CPN1: variants seen among roughly 807,000 people sequenced by gnomAD.
CPN1 encodes the protein carboxypeptidase N catalytic chain.
A neutral mutation model predicts 46.4 loss-of-function variants in CPN1; 37 were observed. The ratio of observed to expected loss-of-function variants is 0.80; its 90% confidence interval spans 0.61 to 1.05. The LOEUF is 1.05. Ranked by LOEUF, CPN1 falls within the 50% of genes least tolerant of loss-of-function variation. CPN1 has a pLI of 0.00. For missense variants in CPN1, 563 were observed against 602.6 expected, an observed-to-expected ratio of 0.93 and a Z score of 0.69; for synonymous variants, 224 against 235.4, an observed-to-expected ratio of 0.95 and a Z score of 0.44.
intron 8 of CPN1, among the ~76,000 whole-genome samples, chr10:100,044,181 G>T (rs2041295099): frequency 6.6e-6 from 1 of 152,116 alleles, no homozygotes; most frequent in Non-Finnish European, 1.5e-5. Context: ...GGAGGGAAGG[G>T]GAGAATCAGA....
At chr10:100,068,504 C>A (rs61871700) in intron 3 of CPN1, among the ~76,000 whole-genome samples, 3 of 151,516 alleles carry the variant, frequency 2.0e-5, no homozygotes, top group Non-Finnish European at 4.4e-5. Context: ...TGAGCCACCG[C>A]GCCCAGTCCC....
chr10:100,048,961 G>A (rs916078524), intron 7 of CPN1, 85 bp from the exon 8 acceptor site: 12 of 1,144,466 alleles, frequency 1.0e-5, no homozygotes, highest in Non-Finnish European at 1.3e-5. Context: ...TACAAGGTTG[G>A]CTTTTCTTTT....
intron 8 of CPN1, among the ~76,000 whole-genome samples, chr10:100,044,326 G>A (rs1465007867): frequency 2.0e-5 from 3 of 152,112 alleles, no homozygotes; most frequent in African/African-American, 7.2e-5. Context: ...CATGTGGAAG[G>A]CCTTGGGGAA....
chr10:100,065,394 G>A (rs368215193), intron 3 of CPN1, 24 bp from the exon 4 acceptor site: 19 of 1,613,578 alleles, frequency 1.2e-5, no homozygotes, highest in African/African-American at 6.7e-5. Context: ...AGAGGTTGGC[G>A]GTGAAGGGCC....
At chr10:100,074,038 C>CG (rs111882825) in intron 2 of CPN1, among the ~76,000 whole-genome samples, 2 of 152,054 alleles carry the variant, frequency 1.3e-5, no homozygotes, top group Admixed American at 1.3e-4. Context: ...GCCCCATCCC[C>CG]CCCCCACAAT....
chr10:100,064,043 G>T (rs1458768652), intron 4 of CPN1, among the ~76,000 whole-genome samples: 1 of 152,054 alleles, frequency 6.6e-6, no homozygotes, highest in Non-Finnish European at 1.5e-5. Context: ...GTTTTCTCTT[G>T]TGCAAAGTGA....
rs115166271 is a variant in CPN1, at chr10:100,075,968, C to G, written c.363G>C (p.Thr121=). The stretch of plus-strand genomic sequence containing the variant: ...TCATGGATGGCAGGATGTGAATGCG[C>G]GTGTCCTGGATGAGCTGGACGATGC... ...NQRIVQLIQD[T]RIHILPSMNP... The change falls in exon 2 of 9, where the codon ACG becomes ACC. Residue 121 remains threonine (T), a synonymous_variant. Transcript: ENST00000370418. 1 of 1,614,158 alleles carries G rather than the reference C, an allele frequency of 6.2e-7. No individual in the cohort carries two copies. The highest frequency in any genetic ancestry group is 1.3e-5 in the African/African-American group (1 of 75,054).
chr10:100,054,487 T>TA, intron 6 of CPN1, 41 bp from the exon 7 acceptor site: 1 of 1,487,080 alleles, frequency 6.7e-7, no homozygotes, highest in East Asian at 2.3e-5. Context: ...AAAACATTTG[T>TA]ACCATTTGTA....
chr10:100,049,559 G>A (rs941011184), intron 7 of CPN1, among the ~76,000 whole-genome samples: 30 of 151,510 alleles, frequency 2.0e-4, no homozygotes, highest in Non-Finnish European at 1.0e-4. Flanking sequence ...CACCGAGCCC[G>A]GCCGTCTTTT....
chr10:100,060,823 G>T (rs1326882151), intron 5 of CPN1, among the ~76,000 whole-genome samples: 2 of 152,106 alleles, frequency 1.3e-5, no homozygotes, highest in Non-Finnish European at 2.9e-5. Context: ...CTTGTTTGCT[G>T]CAGCACTATT....
At chr10:100,042,935 T>C (rs909352133) in intron 8 of CPN1, among the ~76,000 whole-genome samples, 6 of 151,474 alleles carry the variant, frequency 4.0e-5, no homozygotes, top group African/African-American at 1.5e-4. Context: ...CTACTAAAAA[T>C]ACAAAGAAAT....
chr10:100,063,828 T>A, intron 4 of CPN1, 103 bp from the exon 5 acceptor site: 2 of 827,788 alleles, frequency 2.4e-6, no homozygotes, highest in Non-Finnish European at 4.2e-6. Context: ...GCTGGGTATA[T>A]AAACAGTGGA....
rs74963912 is a variant in CPN1, at chr10:100,051,024, C to T, written c.1112-2148G>A. ...TGGGCGACAGAGCGAGACTCTGCCT[C>T]AAAAAACAAAAAAATTTCTTTTATC... is the stretch of plus-strand genomic sequence containing the variant. On this transcript the variant is annotated intron_variant, in intron 7 of 8. Transcript: ENST00000370418. Among the ~76,000 whole-genome samples the T allele has an allele frequency of 9.0e-4, 137 of 151,792 alleles. 2 individuals are homozygous for T. The East Asian group carries it at 0.025, about 27-fold the overall frequency.
rs111491065 is a variant in CPN1 at position 100,052,602 on chromosome 10, A to G, written c.1111+1745T>C. 5.6e-3 allele frequency among the ~76,000 whole-genome samples: 847 copies of G among 152,180 alleles called. 15 individuals carry two copies. Among genetic ancestry groups the G allele is most frequent in the African/African-American group, 0.019 (772 of 41,536 alleles). On this transcript the variant is annotated intron_variant, in intron 7 of 8. Transcript: ENST00000370418. ...AAAATCTAGCAAAAGCCAGGTGTGCATTCCTGGAATCCCAGCACTTTGGGA... is the reference window on the plus strand; with the variant it reads ...AAAATCTAGCAAAAGCCAGGTGTGCGTTCCTGGAATCCCAGCACTTTGGGA...
intron 6 of CPN1, among the ~76,000 whole-genome samples, chr10:100,055,122 T>C (rs11190382): frequency 0.29 from 44,078 of 151,162 alleles, 6,986 homozygotes; most frequent in Middle Eastern, 0.38. Flanking sequence ...CCTGTAATCC[T>C]AGCTACTCAG....
intron 5 of CPN1, among the ~76,000 whole-genome samples, 160 bp from the exon 6 acceptor site, chr10:100,057,312 A>G (rs1195673130): frequency 6.6e-6 from 1 of 152,152 alleles, no homozygotes; most frequent in African/African-American, 2.4e-5. Flanking sequence ...GTACATATTC[A>G]TGTACATCAC....
At chr10:100,042,695 G>A in intron 8 of CPN1, 122 bp from the exon 9 acceptor site, 2 of 1,232,704 alleles carry the variant, frequency 1.6e-6, no homozygotes, top group South Asian at 2.5e-5. Flanking sequence ...AGCACTGGTG[G>A]TGTCATATAG....
intron 3 of CPN1, among the ~76,000 whole-genome samples, chr10:100,067,897 T>G (rs915650566): frequency 6.6e-6 from 1 of 151,978 alleles, no homozygotes; most frequent in African/African-American, 2.4e-5. Context: ...CTCACACCTG[T>G]AATCCCAGCA....
At chr10:100,057,200 C>A in intron 5 of CPN1, 48 bp from the exon 6 acceptor site, 1 of 1,598,910 alleles carries the variant, frequency 6.3e-7, no homozygotes, top group South Asian at 1.1e-5. Flanking sequence ...GGTTCCCACC[C>A]AATGCCCCAT....
Sources: allele counts gnomAD v4.1 joint callset (sites outside exome capture counted in the v4.1 genomes callset), GRCh38; gene constraint gnomAD v4.1.1; transcripts MANE v1.5; gene names NCBI Gene and HGNC (gene_info 2026-07-23, HGNC 2026-07-21).